MGST3: variants seen among roughly 807,000 people sequenced by gnomAD.
MGST3 encodes microsomal glutathione S-transferase 3.
MGST3 carries 13 observed loss-of-function variants against 15.8 expected under a neutral mutation model. The observed-to-expected ratio is 0.82, with a 90% CI of 0.54 to 1.31. MGST3 has a LOEUF of 1.31. Among genes scored for constraint, MGST3 ranks in the 50% most tolerant of loss-of-function variants. MGST3 has a pLI of 0.00. For synonymous variants in MGST3, 49 were observed against 68.1 expected (o/e 0.72, Z 1.38); for missense variants, 155 against 192.4 (o/e 0.81, Z 1.15).
Position 165,655,759 on chromosome 1 carries a change from G to A in MGST3, c.*255G>A. ...AGATGCTTCTGTAGTATGTGAGGTTGAGAAAAAGTCTGATTGTGGTGATGT... is the reference window on the plus strand; with the variant it reads ...AGATGCTTCTGTAGTATGTGAGGTTAAGAAAAAGTCTGATTGTGGTGATGT... On this transcript the variant is annotated 3_prime_UTR_variant, in exon 6 of 6. Coordinates refer to ENST00000367889, the MANE Select transcript of MGST3 (RefSeq NM_004528.4). 2.0e-6 allele frequency: 1 copy of A among 501,648 alleles called. No homozygotes were observed. Among genetic ancestry groups the A allele is most frequent in the Non-Finnish European group, 3.6e-6 (1 of 278,790 alleles). 31.1% of individuals were successfully genotyped at this position (501,648 alleles called of 1,614,324 possible). A position where few individuals can be genotyped will look rare whatever the true frequency, so the allele number is the denominator to read the frequency against.
At chr1:165,649,010 A>C (rs1452371435) in intron 1 of MGST3, 1 of 152,312 alleles carries the variant, frequency 6.6e-6, no homozygotes, top group Non-Finnish European at 1.5e-5. Context: ...GGCAATTACC[A>C]GGGATGGAAA....
chr1:165,633,328 ATT>A (rs976530089), intron 1 of MGST3, among the ~76,000 whole-genome samples: 2 of 152,152 alleles, frequency 1.3e-5, no homozygotes, highest in African/African-American at 2.4e-5. Flanking sequence ...GCCTTTAAGG[ATT>A]TTATCCTTTA....
At chr1:165,651,798 G>T in intron 3 of MGST3, 180 bp from the exon 4 acceptor site, 1 of 539,174 alleles carries the variant, frequency 1.9e-6, no homozygotes, top group Non-Finnish European at 3.3e-6. Context: ...AGGAAGCTGA[G>T]GCATGAGAAT....
intron 4 of MGST3, 54 bp from the exon 5 acceptor site, chr1:165,654,225 A>G: frequency 6.4e-7 from 1 of 1,569,508 alleles, no homozygotes; most frequent in Admixed American, 1.7e-5. Context: ...TAGGTGTTAA[A>G]AAAGGTTTGC....
intron 2 of MGST3, 199 bp from the exon 3 acceptor site, chr1:165,650,815 A>T: frequency 1.6e-6 from 1 of 606,244 alleles, no homozygotes; most frequent in Admixed American, 2.4e-5. Flanking sequence ...TTATTCCTGG[A>T]TATTTAATAG....
chr1:165,654,319 G>A lies in MGST3; in HGVS notation c.290G>A (p.Arg97Gln), dbSNP rs200579279. ...CTGGGCTTGGCCTGGATTGTTGGAC[G>A]AGTTCTTTATGCTTATGGCTATTAC... Reference protein sequence around the residue: ...SGLGLAWIVGRVLYAYGYYTG... With the variant: ...SGLGLAWIVGQVLYAYGYYTG... The change falls in exon 5 of 6, where the codon CGA becomes CAA. Residue 97 changes from arginine to glutamine, a missense_variant. Arg to Gln is a conservative substitution (Grantham distance 43, BLOSUM62 1). Transcript: ENST00000367889. 115 of 1,614,118 alleles carry A rather than the reference G, an allele frequency of 7.1e-5. No individual in the cohort carries two copies. Among genetic ancestry groups the A allele is most frequent in the Non-Finnish European group, 9.2e-5 (108 of 1,179,998 alleles).
chr1:165,636,142 T>C (rs184393851), intron 1 of MGST3, among the ~76,000 whole-genome samples: 285 of 152,328 alleles, frequency 1.9e-3, no homozygotes, highest in Admixed American at 2.9e-3. Flanking sequence ...AGAAATCCCA[T>C]GACTCTCCTT....
chr1:165,640,955 G>A (rs1476334744), intron 1 of MGST3, among the ~76,000 whole-genome samples: 1 of 152,170 alleles, frequency 6.6e-6, no homozygotes, highest in Non-Finnish European at 1.5e-5. Context: ...GGCTGAGGCA[G>A]GTGGATCACC....
chr1:165,655,316 C>A, intron 5 of MGST3, 52 bp from the exon 6 acceptor site: 1 of 1,608,382 alleles, frequency 6.2e-7, no homozygotes, highest in Non-Finnish European at 8.5e-7. Context: ...ATGTTGAAAG[C>A]ATCATAATTC....
At chr1:165,631,681 A>G (rs1264059079) in intron 1 of MGST3, among the ~76,000 whole-genome samples, 1 of 96,666 alleles carries the variant, frequency 1.0e-5, no homozygotes, top group Non-Finnish European at 2.4e-5. Flanking sequence ...TCCGGCGCAG[A>G]GGATGGCGAG....
intron 1 of MGST3, among the ~76,000 whole-genome samples, chr1:165,632,693 G>C (rs1358558619): frequency 6.6e-6 from 1 of 151,932 alleles, no homozygotes; most frequent in African/African-American, 2.4e-5. Flanking sequence ...CTGCGCTACA[G>C]GGGCCTCCTT....
At chr1:165,648,662 A>G (rs1047940354) in intron 1 of MGST3, 7 of 150,540 alleles carry the variant, frequency 4.6e-5, no homozygotes, top group Admixed American at 3.9e-4. Flanking sequence ...CCATCTCAAA[A>G]AAAAAAAAGC....
At position 165,641,140 on chromosome 1, in the gene MGST3, GCCA is replaced by G. The variant is rs1402474664; in HGVS notation, c.-7-8699_-7-8697del. ...GGAGGTTGCAGTGAGCCTAGATCGT[GCCA>G]CTTCACTCTAGCCTGGGGGGAAGAG... is the stretch of plus-strand genomic sequence containing the variant. On this transcript the variant is annotated intron_variant, in intron 1 of 5. Coordinates refer to ENST00000367889, the MANE Select transcript of MGST3 (RefSeq NM_004528.4). 8.5e-5 allele frequency among the ~76,000 whole-genome samples: 13 copies of G among 152,276 alleles called. No homozygotes were observed. In the East Asian group the frequency reaches 1.4e-3, roughly 16 times the overall value.
Position 165,655,423 on chromosome 1 carries a change from G to A in MGST3, c.378G>A (p.Val126=). 6.2e-7 allele frequency: 1 copy of A among 1,614,080 alleles called. No individual in the cohort carries two copies. The highest frequency in any genetic ancestry group is 8.5e-7 in the Non-Finnish European group (1 of 1,180,002). The stretch of plus-strand genomic sequence containing the variant: ...GGTCCATCGCCCTCCTGGGCTTGGT[G>A]GGCACAACTGTGTGCTCTGCTTTCC... ...ALGSIALLGL[V]GTTVCSAFQH... The change falls in exon 6 of 6, where the codon GTG becomes GTA. Residue 126 remains valine, a synonymous_variant. Coordinates refer to ENST00000367889, the MANE Select transcript of MGST3 (RefSeq NM_004528.4).
intron 1 of MGST3, chr1:165,632,351 C>A: frequency 6.6e-7 from 1 of 1,510,318 alleles, no homozygotes; most frequent in Non-Finnish European, 9.2e-7. Context: ...GGAGCTGCAG[C>A]GCTTCTCTTG....
intron 1 of MGST3, chr1:165,647,182 T>C (rs1355181278): frequency 6.6e-6 from 1 of 152,226 alleles, no homozygotes; most frequent in African/African-American, 2.4e-5. Context: ...TAACTTTCAC[T>C]AGGGTGCAAA....
chr1:165,654,210 A>T, intron 4 of MGST3, 69 bp from the exon 5 acceptor site: 3 of 1,446,774 alleles, frequency 2.1e-6, no homozygotes, highest in Non-Finnish European at 1.9e-6. Flanking sequence ...TTGTGTAATC[A>T]ACCCTAGGTG....
intron 1 of MGST3, among the ~76,000 whole-genome samples, chr1:165,639,514 C>T (rs2101716390): frequency 6.6e-6 from 1 of 152,272 alleles, no homozygotes; most frequent in African/African-American, 2.4e-5. Flanking sequence ...ATAAAAGAAG[C>T]ACTCTAGGCC....
chr1:165,632,524 ATAT>A (rs1419165909), intron 1 of MGST3, among the ~76,000 whole-genome samples: 2 of 152,258 alleles, frequency 1.3e-5, no homozygotes, highest in Admixed American at 6.5e-5. Flanking sequence ...TAAAACTAAC[ATAT>A]AAAATAGAAA....
Sources: allele counts gnomAD v4.1 joint callset (sites outside exome capture counted in the v4.1 genomes callset), GRCh38; gene constraint gnomAD v4.1.1; transcripts MANE v1.5; gene names NCBI Gene and HGNC (gene_info 2026-07-23, HGNC 2026-07-21).